The following MDGA2 variants were observed in gnomAD, a reference collection of about 807,000 sequenced individuals.
MDGA2 encodes MAM domain containing glycosylphosphatidylinositol anchor 2.
A neutral mutation model predicts 117.8 loss-of-function variants in MDGA2; 40 were observed. The ratio of observed to expected loss-of-function variants is 0.34; its 90% CI spans 0.26 to 0.44. The LOEUF (loss-of-function observed/expected upper bound fraction) is 0.44, where lower values mean the gene tolerates loss of function less well. Ranked by LOEUF, MDGA2 falls within the 20% of genes least tolerant of loss-of-function variation. The pLI is 1.00. For synonymous variants in MDGA2, 452 were observed against 439.0 expected (o/e 1.03, Z -0.37); for missense variants, 1,123 against 1,250.6 (o/e 0.90, Z 1.54).
chr14:46,970,249 C>T (rs370941723), intron 8 of MDGA2, among the ~76,000 whole-genome samples: 2 of 151,884 alleles, frequency 1.3e-5, no homozygotes, highest in African/African-American at 4.8e-5. Flanking sequence ...CCAAAGCAAT[C>T]CTAAGCAAAA....
chr14:47,503,500 G>T lies in MDGA2; in HGVS notation c.280+171017C>A, dbSNP rs549093948. On this transcript the variant is annotated intron_variant, in intron 1 of 16. Coordinates refer to ENST00000399232, the MANE Select transcript of MDGA2 (RefSeq NM_001113498.3). Reference sequence around the variant, plus strand: ...TGCAGTGGCGCAATCTCAGCTCCTGGGTTCACGCCATTCTCCTGCCTCAGC... The same window carrying T: ...TGCAGTGGCGCAATCTCAGCTCCTGTGTTCACGCCATTCTCCTGCCTCAGC... Among the ~76,000 whole-genome samples the T allele has an allele frequency of 2.0e-5, 3 of 150,288 alleles. No individual in the cohort carries two copies. In the East Asian group the frequency reaches 5.9e-4, roughly 29 times the overall value.
rs1413312840 is a variant in MDGA2, at chr14:47,213,535, ACT to A, written c.595+4484_595+4485del. On this transcript the variant is annotated intron_variant, in intron 3 of 16. Coordinates refer to ENST00000399232, the MANE Select transcript of MDGA2 (RefSeq NM_001113498.3). ...AAAAACGTCATTTTGACTGTTTGGA[ACT>A]CTTATTATTCAAATGTTTGATCTGC... Among the ~76,000 whole-genome samples the A allele has an allele frequency of 3.2e-4, 48 of 151,966 alleles. 1 individual carries two copies.
chr14:47,012,535 C>CA (rs1284470270), intron 8 of MDGA2, among the ~76,000 whole-genome samples: 1 of 152,094 alleles, frequency 6.6e-6, no homozygotes. Flanking sequence ...TAAATAAACA[C>CA]AAAACCAAAT....
At chr14:47,199,117 C>A (rs1474209299) in intron 3 of MDGA2, among the ~76,000 whole-genome samples, 1 of 151,980 alleles carries the variant, frequency 6.6e-6, no homozygotes, top group African/African-American at 2.4e-5. Context: ...ACCTGCCTTA[C>A]AAATTTCAGA....
chr14:47,599,191 G>C (rs1896600449), intron 1 of MDGA2, among the ~76,000 whole-genome samples: 1 of 151,958 alleles, frequency 6.6e-6, no homozygotes, highest in African/African-American at 2.4e-5. Flanking sequence ...AAGATATTCT[G>C]TAATTGAGTC....
At chr14:47,294,098 G>C (rs930912470) in intron 2 of MDGA2, among the ~76,000 whole-genome samples, 1 of 147,140 alleles carries the variant, frequency 6.8e-6, no homozygotes, top group Non-Finnish European at 1.5e-5. Context: ...CATTGATATG[G>C]CAATCTTTTT....
At chr14:47,152,975 A>C (rs1342092766) in intron 3 of MDGA2, among the ~76,000 whole-genome samples, 1 of 152,244 alleles carries the variant, frequency 6.6e-6, no homozygotes, top group African/African-American at 2.4e-5. Context: ...GAAGTAGCAC[A>C]CATAAAGCTC....
chr14:47,199,428 C>T (rs968617773), intron 3 of MDGA2, among the ~76,000 whole-genome samples: 1 of 152,120 alleles, frequency 6.6e-6, no homozygotes, highest in Non-Finnish European at 1.5e-5. Flanking sequence ...AAAATATTCA[C>T]TTTCTACTAA....
chr14:47,479,539 T>C (rs1203094253), intron 1 of MDGA2, among the ~76,000 whole-genome samples: 1 of 152,154 alleles, frequency 6.6e-6, no homozygotes, highest in Admixed American at 6.5e-5. Context: ...CAGTGAAGAC[T>C]ACTTACATAC....
rs112961350 is a variant in MDGA2, at chr14:47,518,895, C to T, written c.280+155622G>A. 6.7e-3 allele frequency among the ~76,000 whole-genome samples: 1,015 copies of T among 152,096 alleles called. 8 individuals are homozygous for T. Among genetic ancestry groups the T allele is most frequent in the African/African-American group, 0.023 (947 of 41,524 alleles). On this transcript the variant is annotated intron_variant, in intron 1 of 16. Coordinates refer to ENST00000399232, the MANE Select transcript of MDGA2 (RefSeq NM_001113498.3). ...TTTGCCTCTTTTGGAGGCCATATGC[C>T]CTTGGTTGTTAAAAAATCAAGTTAT...
intron 2 of MDGA2, among the ~76,000 whole-genome samples, chr14:47,255,762 C>T (rs1159264362): frequency 6.6e-6 from 1 of 151,960 alleles, no homozygotes; most frequent in Non-Finnish European, 1.5e-5. Context: ...TGGTCCTACC[C>T]AATGCAGTTC....
chr14:47,306,875 T>C (rs12881568), intron 1 of MDGA2, among the ~76,000 whole-genome samples: 131 of 116,224 alleles, frequency 1.1e-3, no homozygotes, highest in African/African-American at 4.3e-3. Flanking sequence ...GAGAGGCAGA[T>C]AGACAGATAG....
chr14:47,370,419 G>A (rs887595508), intron 1 of MDGA2, among the ~76,000 whole-genome samples: 8 of 136,818 alleles, frequency 5.8e-5, no homozygotes, highest in African/African-American at 2.1e-4. Flanking sequence ...AAGTTCATCA[G>A]AGACCTGTAT....
At chr14:47,614,041 T>TA (rs1378316642) in intron 1 of MDGA2, among the ~76,000 whole-genome samples, 1 of 149,154 alleles carries the variant, frequency 6.7e-6, no homozygotes, top group African/African-American at 2.5e-5. Flanking sequence ...ATTTTCCCCA[T>TA]AAAAAATGTT....
At chr14:47,304,244 T>C (rs1309764344) in intron 1 of MDGA2, among the ~76,000 whole-genome samples, 1 of 152,200 alleles carries the variant, frequency 6.6e-6, no homozygotes, top group African/African-American at 2.4e-5. Context: ...AGGTCAGCAC[T>C]CTTATTTCCC....
At chr14:47,470,440 T>G (rs529444376) in intron 1 of MDGA2, among the ~76,000 whole-genome samples, 18 of 152,286 alleles carry the variant, frequency 1.2e-4, no homozygotes, top group African/African-American at 4.3e-4. Context: ...GCAAAGGGCA[T>G]GAACTCATCC....
At chr14:47,229,810 A>G (rs1325723236) in intron 2 of MDGA2, among the ~76,000 whole-genome samples, 1 of 152,030 alleles carries the variant, frequency 6.6e-6, no homozygotes, top group African/African-American at 2.4e-5. Flanking sequence ...ATAATGACAT[A>G]CCATATATTC....
chr14:47,017,235 G>C (rs1888115359), intron 8 of MDGA2, among the ~76,000 whole-genome samples: 1 of 149,810 alleles, frequency 6.7e-6, no homozygotes, highest in Admixed American at 6.7e-5. Context: ...TCTAGAAAGG[G>C]AAGCATTGCT....
intron 11 of MDGA2, among the ~76,000 whole-genome samples, chr14:46,881,583 T>C (rs1420053262): frequency 6.6e-6 from 1 of 152,184 alleles, no homozygotes; most frequent in Non-Finnish European, 1.5e-5. Flanking sequence ...ATGGGGATAC[T>C]GTGTCAGGGA....
Sources: allele counts gnomAD v4.1 joint callset (sites outside exome capture counted in the v4.1 genomes callset), GRCh38; gene constraint gnomAD v4.1.1; transcripts MANE v1.5; gene names NCBI Gene and HGNC (gene_info 2026-07-23, HGNC 2026-07-21).